Variants in ATG5 observed in about 807,000 individuals in gnomAD.
ATG5 encodes the protein autophagy related 5.
ATG5 carries 14 observed loss-of-function variants against 36.5 expected under a neutral mutation model. The ratio of observed to expected loss-of-function variants is 0.38; its 90% confidence interval spans 0.25 to 0.60. The LOEUF (loss-of-function observed/expected upper bound fraction) is 0.60. ATG5 is among the 20% of genes least tolerant of loss of function. ATG5 has a pLI of 0.60. For missense variants in ATG5, 195 were observed against 326.7 expected (o/e 0.60, Z 3.11); for synonymous variants, 95 against 101.5 (o/e 0.94, Z 0.38).
intron 3 of ATG5, among the ~76,000 whole-genome samples, chr6:106,306,835 T>C (rs626664): frequency 0.11 from 17,174 of 152,122 alleles, 1,054 homozygotes; most frequent in African/African-American, 0.16. Flanking sequence ...CATTCCAAAA[T>C]CTCCAATTCT....
At chr6:106,190,533 T>G (rs752375461) in intron 7 of ATG5, among the ~76,000 whole-genome samples, 2 of 152,224 alleles carry the variant, frequency 1.3e-5, no homozygotes, top group Non-Finnish European at 2.9e-5. Context: ...TACTCTCTTT[T>G]AATCTGCAAC....
chr6:106,234,780 C>A (rs775528222), intron 6 of ATG5, among the ~76,000 whole-genome samples: 4 of 148,000 alleles, frequency 2.7e-5, no homozygotes, highest in Non-Finnish European at 4.5e-5. Flanking sequence ...CTGGCATTGG[C>A]GGTACCACAA....
At chr6:106,230,752 CAT>C (rs1206978682) in intron 6 of ATG5, among the ~76,000 whole-genome samples, 2 of 151,982 alleles carry the variant, frequency 1.3e-5, no homozygotes, top group African/African-American at 4.8e-5. Context: ...AAAAAAAAGA[CAT>C]ATTCTTCTGC....
At chr6:106,277,074 A>C (rs1401000903) in intron 5 of ATG5, among the ~76,000 whole-genome samples, 1 of 152,222 alleles carries the variant, frequency 6.6e-6, no homozygotes, top group East Asian at 1.9e-4. Flanking sequence ...GAAATGAAAA[A>C]ATGTAATTTA....
chr6:106,283,856 G>T (rs894770815), intron 4 of ATG5: 1 of 152,174 alleles, frequency 6.6e-6, no homozygotes. Context: ...TTGGTGACTT[G>T]TGTTTTCATT....
At chr6:106,215,619 T>C (rs1006796520) in intron 6 of ATG5, among the ~76,000 whole-genome samples, 10 of 152,034 alleles carry the variant, frequency 6.6e-5, no homozygotes, top group African/African-American at 2.4e-4. Context: ...CTATTAAAAA[T>C]ATATTAAAAA....
At chr6:106,303,340 C>T (rs1020894157) in intron 3 of ATG5, among the ~76,000 whole-genome samples, 2 of 151,896 alleles carry the variant, frequency 1.3e-5, no homozygotes, top group African/African-American at 4.8e-5. Flanking sequence ...TCCCCAAAAC[C>T]CATAAACTAC....
rs150026209 is a variant in ATG5, at chr6:106,231,881, G to A, written c.573+16269C>T. On this transcript the variant is annotated intron_variant, in intron 6 of 7. Transcript: ENST00000369076. Reference sequence around the variant, plus strand: ...CTTTAGTCATGGCCCTCAGGCAAGCGGACTTTGGAGGCACTGGAAAAGGGA... The same window carrying A: ...CTTTAGTCATGGCCCTCAGGCAAGCAGACTTTGGAGGCACTGGAAAAGGGA... Among the ~76,000 whole-genome samples the A allele has an allele frequency of 3.7e-4, 57 of 152,268 alleles. 1 individual carries two copies. The East Asian group carries it at 0.01, about 27-fold the overall frequency.
At chr6:106,236,836 C>A (rs1777922542) in intron 6 of ATG5, among the ~76,000 whole-genome samples, 1 of 152,136 alleles carries the variant, frequency 6.6e-6, no homozygotes, top group Admixed American at 6.5e-5. Flanking sequence ...AAAGCAAACA[C>A]AGTGCTTATT....
intron 5 of ATG5, among the ~76,000 whole-genome samples, chr6:106,249,422 T>A (rs1778477144): frequency 6.6e-6 from 1 of 152,224 alleles, no homozygotes. Context: ...GTAGTATGTA[T>A]CAGAACTTCA....
At chr6:106,214,790 A>G (rs1013869774) in intron 6 of ATG5, among the ~76,000 whole-genome samples, 3 of 152,156 alleles carry the variant, frequency 2.0e-5, no homozygotes, top group Non-Finnish European at 2.9e-5. Flanking sequence ...ATCGAGATCA[A>G]TTTGATGCTT....
chr6:106,295,226 G>C (rs1258319212), intron 3 of ATG5, among the ~76,000 whole-genome samples: 2 of 151,960 alleles, frequency 1.3e-5, no homozygotes, highest in African/African-American at 4.8e-5. Context: ...TTATTTTTTA[G>C]AATATCTCTC....
At chr6:106,286,941 C>T (rs1780103918) in intron 4 of ATG5, among the ~76,000 whole-genome samples, 1 of 152,328 alleles carries the variant, frequency 6.6e-6, no homozygotes, top group Admixed American at 6.5e-5. Flanking sequence ...ATGGCACCCT[C>T]ATAACCTAGG....
chr6:106,265,981 A>AG (rs959901608), intron 5 of ATG5, among the ~76,000 whole-genome samples: 6 of 152,094 alleles, frequency 3.9e-5, no homozygotes, highest in African/African-American at 1.4e-4. Context: ...GCACAAGACA[A>AG]GAATAATTAA....
chr6:106,229,502 G>GA (rs1777590299), intron 6 of ATG5, among the ~76,000 whole-genome samples: 1 of 152,050 alleles, frequency 6.6e-6, no homozygotes, highest in Non-Finnish European at 1.5e-5. Flanking sequence ...ACAAAGAGGA[G>GA]AAAGAGGCAG....
At chr6:106,218,995 A>C (rs1279989289) in intron 6 of ATG5, among the ~76,000 whole-genome samples, 1 of 150,664 alleles carries the variant, frequency 6.6e-6, no homozygotes, top group Non-Finnish European at 1.5e-5. Context: ...GTGGGAGAAA[A>C]ATGTAAAGAA....
At chr6:106,301,942 G>A (rs1244092026) in intron 3 of ATG5, among the ~76,000 whole-genome samples, 4 of 151,982 alleles carry the variant, frequency 2.6e-5, no homozygotes, top group African/African-American at 7.2e-5. Flanking sequence ...AGGTTATACC[G>A]CTAGTAAGTG....
chr6:106,299,876 C>T (rs185082955), intron 3 of ATG5, among the ~76,000 whole-genome samples: 290 of 152,270 alleles, frequency 1.9e-3, no homozygotes, highest in African/African-American at 6.1e-3. Context: ...GCCTCCTATT[C>T]GGAAAGTTGC....
At chr6:106,238,623 C>G (rs566887488) in intron 6 of ATG5, among the ~76,000 whole-genome samples, 1 of 152,276 alleles carries the variant, frequency 6.6e-6, no homozygotes, top group African/African-American at 2.4e-5. Flanking sequence ...ACAGAAAAAG[C>G]TGAATAAAAG....
Sources: allele counts gnomAD v4.1 joint callset (sites outside exome capture counted in the v4.1 genomes callset), GRCh38; gene constraint gnomAD v4.1.1; transcripts MANE v1.5; gene names NCBI Gene and HGNC (gene_info 2026-07-23, HGNC 2026-07-21).